Variants in M1AP observed in about 807,000 individuals in gnomAD.
M1AP encodes the protein meiosis 1 arrest protein.
A neutral mutation model predicts 51.2 loss-of-function variants in M1AP; 39 were observed. The ratio of observed to expected loss-of-function variants is 0.76; its 90% CI spans 0.59 to 1.00. M1AP has a LOEUF of 1.00. Among genes scored for constraint, M1AP ranks in the 50% least tolerant of loss-of-function variants. The pLI, the probability that M1AP is intolerant of heterozygous loss-of-function variation, is 0.00. For missense variants in M1AP, 545 were observed against 641.2 expected (o/e 0.85, Z 1.62); for synonymous variants, 251 against 249.2 (o/e 1.01, Z -0.07).
chr2:74,569,449 C>T (rs185475801), intron 7 of M1AP, among the ~76,000 whole-genome samples: 106 of 146,992 alleles, frequency 7.2e-4, no homozygotes, highest in African/African-American at 2.5e-3. Context: ...GGCGCGATCT[C>T]GGCTCACTGC....
intron 2 of M1AP, among the ~76,000 whole-genome samples, chr2:74,636,845 C>T (rs1683014538): frequency 6.6e-6 from 1 of 152,126 alleles, no homozygotes; most frequent in Admixed American, 6.5e-5. Context: ...TCTCAAAGTG[C>T]TAAGATTATA....
At chr2:74,562,900 A>T (rs1558645466) in intron 7 of M1AP, among the ~76,000 whole-genome samples, 1 of 152,242 alleles carries the variant, frequency 6.6e-6, no homozygotes, top group East Asian at 1.9e-4. Flanking sequence ...TGGGTGACAG[A>T]GTGAGACCCT....
intron 7 of M1AP, 62 bp downstream of exon 7, chr2:74,575,376 T>C (rs751535900): frequency 6.2e-7 from 1 of 1,603,780 alleles, no homozygotes; most frequent in Non-Finnish European, 8.5e-7. Flanking sequence ...AGTTAGCTGC[T>C]TTTCTGTGGT....
chr2:74,603,879 T>A (rs1185650165), intron 4 of M1AP, among the ~76,000 whole-genome samples: 1 of 152,056 alleles, frequency 6.6e-6, no homozygotes, highest in Non-Finnish European at 1.5e-5. Flanking sequence ...AAGAGTGAAG[T>A]CATCTGCACG....
intron 2 of M1AP, among the ~76,000 whole-genome samples, chr2:74,617,568 T>C (rs1284424650): frequency 6.6e-6 from 1 of 152,154 alleles, no homozygotes; most frequent in Non-Finnish European, 1.5e-5. Context: ...AAAAAATAAC[T>C]AATGGGTAGT....
chr2:74,586,243 G>A (rs559939667), intron 4 of M1AP, among the ~76,000 whole-genome samples: 20 of 152,276 alleles, frequency 1.3e-4, no homozygotes, highest in African/African-American at 4.8e-4. Context: ...TTGGGAATAC[G>A]TTTGATCTCT....
chr2:74,634,652 A>G (rs1431096455), intron 2 of M1AP, among the ~76,000 whole-genome samples: 1 of 152,206 alleles, frequency 6.6e-6, no homozygotes, highest in Non-Finnish European at 1.5e-5. Flanking sequence ...GGGGGAAAGC[A>G]TTCAGTCTTT....
intron 7 of M1AP, among the ~76,000 whole-genome samples, chr2:74,565,060 A>AAAATAC (rs1418112129): frequency 6.6e-5 from 10 of 152,110 alleles, no homozygotes; most frequent in African/African-American, 2.4e-4. Context: ...GTCTCTAATA[A>AAAATAC]AAATACAAAA....
intron 8 of M1AP, 134 bp downstream of exon 8, chr2:74,562,082 CT>C: frequency 7.0e-7 from 1 of 1,427,910 alleles, no homozygotes; most frequent in South Asian, 1.7e-5. Flanking sequence ...CCTATCCTTG[CT>C]TTCTCTTCTT....
chr2:74,618,814 G>T, intron 2 of M1AP: 1 of 343,074 alleles, frequency 2.9e-6, no homozygotes, highest in Non-Finnish European at 5.8e-6. Context: ...CTCGTGTGCT[G>T]AGCCTCCCAA....
chr2:74,600,584 G>C (rs746117321), intron 4 of M1AP, among the ~76,000 whole-genome samples: 1 of 152,188 alleles, frequency 6.6e-6, no homozygotes, highest in Non-Finnish European at 1.5e-5. Flanking sequence ...GACAAAGAAA[G>C]CATCTGGCTT....
At chr2:74,573,306 G>A (rs531641072) in intron 7 of M1AP, among the ~76,000 whole-genome samples, 46 of 149,046 alleles carry the variant, frequency 3.1e-4, no homozygotes, top group Non-Finnish European at 5.9e-4. Flanking sequence ...CACTCACTTC[G>A]GCCTCCCAAA....
chr2:74,635,801 T>C (rs1023077402), intron 2 of M1AP, among the ~76,000 whole-genome samples: 1 of 152,138 alleles, frequency 6.6e-6, no homozygotes, highest in Admixed American at 6.5e-5. Context: ...GTTATGTTTC[T>C]GTTATAGATT....
At chr2:74,632,433 G>A (rs373627615) in intron 2 of M1AP, among the ~76,000 whole-genome samples, 259 of 152,312 alleles carry the variant, frequency 1.7e-3, no homozygotes, top group Middle Eastern at 6.8e-3. Context: ...AGACCTCCTT[G>A]TGGCGGAAGG....
chr2:74,642,601 G>A (rs1292975109), intron 1 of M1AP, among the ~76,000 whole-genome samples: 1 of 152,156 alleles, frequency 6.6e-6, no homozygotes, highest in East Asian at 1.9e-4. Flanking sequence ...TTATAGTGAA[G>A]GTAGTAATGA....
chr2:74,565,867 AAAC>A (rs1367216274), intron 7 of M1AP, among the ~76,000 whole-genome samples: 1 of 146,082 alleles, frequency 6.8e-6, no homozygotes, highest in Non-Finnish European at 1.5e-5. Flanking sequence ...ACACACACAC[AAAC>A]ATTTGGCAAA....
chr2:74,609,261 TA>T (rs1681193720), intron 3 of M1AP, among the ~76,000 whole-genome samples: 1 of 152,194 alleles, frequency 6.6e-6, no homozygotes, highest in African/African-American at 2.4e-5. Flanking sequence ...TCTGTACTTC[TA>T]TGAGATCAAC....
chr2:74,586,186 A>G (rs955294507), intron 4 of M1AP, among the ~76,000 whole-genome samples: 3 of 152,218 alleles, frequency 2.0e-5, no homozygotes, highest in African/African-American at 7.2e-5. Context: ...TTTGGTTTAC[A>G]TTTGTAATAT....
chr2:74,596,806 A>G (rs181919527), intron 4 of M1AP, among the ~76,000 whole-genome samples: 39 of 152,382 alleles, frequency 2.6e-4, no homozygotes, highest in Admixed American at 2.5e-3. Context: ...AAGAAAACGC[A>G]CTACTGATAT....
Sources: allele counts gnomAD v4.1 joint callset (sites outside exome capture counted in the v4.1 genomes callset), GRCh38; gene constraint gnomAD v4.1.1; transcripts MANE v1.5; gene names NCBI Gene and HGNC (gene_info 2026-07-23, HGNC 2026-07-21).